ROBO2: variants seen among roughly 807,000 people sequenced by gnomAD.
ROBO2 encodes the protein roundabout homolog 2.
A neutral mutation model predicts 160.8 loss-of-function variants in ROBO2; 53 were observed. The ratio of observed to expected loss-of-function variants is 0.33; its 90% CI spans 0.26 to 0.41. The LOEUF is 0.41. ROBO2 is among the 10% of genes least tolerant of loss of function. ROBO2 has a pLI of 1.00. For missense variants in ROBO2, 1,577 were observed against 1,722.4 expected (o/e 0.92, Z 1.49); for synonymous variants, 664 against 611.7 (o/e 1.09, Z -1.26).
intron 2 of ROBO2, among the ~76,000 whole-genome samples, chr3:76,772,508 G>T (rs902919448): frequency 4.7e-5 from 6 of 126,654 alleles, no homozygotes; most frequent in Non-Finnish European, 9.7e-5. Flanking sequence ...ATTATACCTT[G>T]GGTTTTTTCT....
chr3:77,490,369 C>G (rs1264914503), intron 4 of ROBO2, among the ~76,000 whole-genome samples: 1 of 152,084 alleles, frequency 6.6e-6, no homozygotes, highest in Admixed American at 6.6e-5. Flanking sequence ...GGATTACAGG[C>G]GTGAGCCACC....
chr3:76,052,123 A>G (rs2067677679), intron 2 of ROBO2, among the ~76,000 whole-genome samples: 1 of 152,154 alleles, frequency 6.6e-6, no homozygotes, highest in Admixed American at 6.5e-5. Flanking sequence ...TGTGTGAACA[A>G]CAATGTCATA....
intron 2 of ROBO2, among the ~76,000 whole-genome samples, chr3:76,303,382 T>C (rs2071170509): frequency 6.6e-6 from 1 of 152,016 alleles, no homozygotes. Flanking sequence ...AATAATGAAC[T>C]AGGTGCTATA....
chr3:76,844,378 G>A (rs1457486325), intron 2 of ROBO2, among the ~76,000 whole-genome samples: 1 of 151,966 alleles, frequency 6.6e-6, no homozygotes, highest in Non-Finnish European at 1.5e-5. Flanking sequence ...AAAGATCTAT[G>A]TATGTAGTAA....
intron 2 of ROBO2, among the ~76,000 whole-genome samples, chr3:75,939,083 C>T (rs999897388): frequency 6.6e-6 from 1 of 151,484 alleles, no homozygotes; most frequent in Admixed American, 6.6e-5. Flanking sequence ...AATAGTGATC[C>T]AGCATGACGT....
At chr3:75,944,981 C>T (rs1031454519) in intron 2 of ROBO2, among the ~76,000 whole-genome samples, 8 of 152,146 alleles carry the variant, frequency 5.3e-5, no homozygotes, top group Non-Finnish European at 1.0e-4. Flanking sequence ...CGTACCTCCT[C>T]CTATACCACA....
chr3:77,316,878 C>G, intron 2 of ROBO2: 1 of 1,174,098 alleles, frequency 8.5e-7, no homozygotes, highest in South Asian at 1.2e-5. Context: ...CTAAACCTAT[C>G]AGGCTGGAGT....
chr3:76,185,215 T>TATATATATATATATATATACAC, intron 2 of ROBO2, among the ~76,000 whole-genome samples: 5,198 of 89,898 alleles, frequency 0.058, 376 homozygotes, highest in Non-Finnish European at 0.087. Context: ...TATATATATA[T>TATATATATATATATATATACAC]ACACACACAA....
chr3:76,814,429 A>G (rs1440762148), intron 2 of ROBO2, among the ~76,000 whole-genome samples: 1 of 152,148 alleles, frequency 6.6e-6, no homozygotes, highest in Non-Finnish European at 1.5e-5. Flanking sequence ...TGTCACTGTA[A>G]GGAGCAAATA....
At chr3:77,360,621 G>T (rs1303756375) in intron 2 of ROBO2, among the ~76,000 whole-genome samples, 1 of 150,752 alleles carries the variant, frequency 6.6e-6, no homozygotes, top group Non-Finnish European at 1.5e-5. Context: ...TTTTCCAGTT[G>T]ACTTTTTTTT....
chr3:77,193,461 T>TTTTTTTTTTG (rs1296731046), intron 2 of ROBO2, among the ~76,000 whole-genome samples: 7 of 148,320 alleles, frequency 4.7e-5, no homozygotes, highest in Non-Finnish European at 6.0e-5. Flanking sequence ...TTTTTTTTTT[T>TTTTTTTTTTG]TAAAGACAGG....
chr3:76,817,851 A>G (rs2065817538), intron 2 of ROBO2, among the ~76,000 whole-genome samples: 1 of 136,804 alleles, frequency 7.3e-6, no homozygotes, highest in Non-Finnish European at 1.5e-5. Flanking sequence ...TTTTTGGCTG[A>G]GTAGTATTTC....
intron 2 of ROBO2, among the ~76,000 whole-genome samples, chr3:75,970,430 G>T (rs1826008): frequency 0.27 from 40,733 of 151,318 alleles, 5,780 homozygotes; most frequent in East Asian, 0.36. Flanking sequence ...TCATGATGAG[G>T]CTGTGCTTTC....
intron 2 of ROBO2, among the ~76,000 whole-genome samples, chr3:76,066,411 C>T (rs2068255592): frequency 6.6e-6 from 1 of 151,914 alleles, no homozygotes; most frequent in South Asian, 2.1e-4. Context: ...TATAAGTTAA[C>T]CTCTTTAGTT....
At chr3:75,962,770 G>A (rs543461712) in intron 2 of ROBO2, among the ~76,000 whole-genome samples, 25 of 151,552 alleles carry the variant, frequency 1.6e-4, no homozygotes, top group African/African-American at 5.8e-4. Context: ...TAATTCTTTC[G>A]TGCTGTGTGA....
At chr3:76,205,956 G>A (rs1702782178) in intron 2 of ROBO2, among the ~76,000 whole-genome samples, 1 of 152,122 alleles carries the variant, frequency 6.6e-6, no homozygotes, top group African/African-American at 2.4e-5. Flanking sequence ...CTTTTTACTA[G>A]TCCACTTCCC....
chr3:76,069,264 T>C (rs1363408203), intron 2 of ROBO2, among the ~76,000 whole-genome samples: 1 of 152,226 alleles, frequency 6.6e-6, no homozygotes, highest in Non-Finnish European at 1.5e-5. Flanking sequence ...TCCTGCAAGT[T>C]GGCCAGCTCA....
intron 2 of ROBO2, among the ~76,000 whole-genome samples, chr3:77,327,440 T>A (rs1270980734): frequency 6.6e-6 from 1 of 152,142 alleles, no homozygotes; most frequent in South Asian, 2.1e-4. Context: ...TAGGGTGAGA[T>A]TTTCTTCATT....
chr3:77,371,578 GC>G (rs371271396), intron 2 of ROBO2, among the ~76,000 whole-genome samples: 48 of 152,248 alleles, frequency 3.2e-4, no homozygotes, highest in African/African-American at 1.1e-3. Context: ...AGTAACACAG[GC>G]AAATTTTGAT....
Sources: allele counts gnomAD v4.1 joint callset (sites outside exome capture counted in the v4.1 genomes callset), GRCh38; gene constraint gnomAD v4.1.1; transcripts MANE v1.5; gene names NCBI Gene and HGNC (gene_info 2026-07-23, HGNC 2026-07-21).